RAB19: variants seen among roughly 807,000 people sequenced by gnomAD.
RAB19 encodes ras-related protein Rab-19.
A neutral mutation model predicts 17.3 loss-of-function variants in RAB19; 21 were observed. The observed-to-expected ratio is 1.21, with a 90% confidence interval of 0.86 to 1.74. The LOEUF is 1.74. RAB19 is among the 40% of genes most tolerant of loss of function. RAB19 has a pLI of 0.00. For missense variants in RAB19, 277 were observed against 286.8 expected (o/e 0.97, Z 0.25); for synonymous variants, 126 against 110.4 (o/e 1.14, Z -0.88).
intron 3 of RAB19, among the ~76,000 whole-genome samples, chr7:140,422,723 T>A (rs4507685): frequency 0.41 from 62,783 of 151,898 alleles, 13,359 homozygotes; most frequent in Admixed American, 0.55. Context: ...GGCTGACTGC[T>A]TGAGCCTAGA....
intron 2 of RAB19, 60 bp from the exon 3 acceptor site, chr7:140,411,814 A>C: frequency 6.2e-7 from 1 of 1,613,730 alleles, no homozygotes; most frequent in South Asian, 1.1e-5. Flanking sequence ...ATGTAGGTGA[A>C]GGAGTTCCCA....
At position 140,416,733 on chromosome 7, in the gene RAB19, G is replaced by A. The variant is rs530150843; in HGVS notation, c.385+4676G>A. Among the ~76,000 whole-genome samples, 4 of 152,250 alleles carry A rather than the reference G, an allele frequency of 2.6e-5. No homozygotes were observed. In the South Asian group the frequency reaches 6.2e-4, roughly 24 times the overall value. On this transcript the variant is annotated intron_variant, in intron 3 of 3. Transcript: ENST00000537763. ...GCCCTGGCTGTTGGCGGGTGGACCC[G>A]TGGACATCAGCACTGTTGATCTAGT...
chr7:140,422,078 A>G (rs1799571743), intron 3 of RAB19, among the ~76,000 whole-genome samples: 1 of 152,134 alleles, frequency 6.6e-6, no homozygotes, highest in Non-Finnish European at 1.5e-5. Context: ...TAATTGTCTC[A>G]GTACCATTTA....
chr7:140,412,850 G>T (rs1202060850), intron 3 of RAB19, among the ~76,000 whole-genome samples: 1 of 151,848 alleles, frequency 6.6e-6, no homozygotes, highest in Non-Finnish European at 1.5e-5. Context: ...CATAGATGGG[G>T]CGTGGTGGTT....
rs746816116 is a variant in RAB19, at chr7:140,426,249, A to G, written c.*99A>G. On this transcript the variant is annotated 3_prime_UTR_variant, in exon 4 of 4. Coordinates refer to ENST00000537763, the MANE Select transcript of RAB19 (RefSeq NM_001008749.3). ...TTGCCCCAGTGGCGCTTTAGACCCCAGCGTGGACTTGCCGCTCACCCCTAA... is the reference window on the plus strand; with the variant it reads ...TTGCCCCAGTGGCGCTTTAGACCCCGGCGTGGACTTGCCGCTCACCCCTAA... 2.3e-5 allele frequency: 32 copies of G among 1,409,758 alleles called. No individual in the cohort carries two copies. Among genetic ancestry groups the G allele is most frequent in the Non-Finnish European group, 3.0e-5 (32 of 1,049,798 alleles). The allele number at this position is 1,409,758 out of a possible 1,614,324, so 87.3% of individuals were successfully genotyped here.
intron 3 of RAB19, among the ~76,000 whole-genome samples, chr7:140,414,735 T>C (rs1799424756): frequency 6.6e-6 from 1 of 152,152 alleles, no homozygotes; most frequent in South Asian, 2.1e-4. Flanking sequence ...CCGGCACACA[T>C]TGCCTCATAC....
In RAB19 at chr7:140,419,111, C is replaced by T. The variant is rs577124407; in HGVS notation, c.386-6771C>T. Among the ~76,000 whole-genome samples, 322 of 148,916 alleles carry T rather than the reference C, an allele frequency of 2.2e-3. 1 individual carries two copies. The highest frequency in any genetic ancestry group is 0.01 in the Middle Eastern group (3 of 292). On this transcript the variant is annotated intron_variant, in intron 3 of 3. Coordinates refer to ENST00000537763, the MANE Select transcript of RAB19 (RefSeq NM_001008749.3). Reference sequence around the variant, plus strand: ...TTGAGATGGAGTCTCACTCTGTTGCCCAGGCTGGAGTGCAGTGGCGTGATC... The same window carrying T: ...TTGAGATGGAGTCTCACTCTGTTGCTCAGGCTGGAGTGCAGTGGCGTGATC...
chr7:140,426,808 T>C lies in RAB19; in HGVS notation c.*658T>C, dbSNP rs1198522930. On this transcript the variant is annotated 3_prime_UTR_variant, in exon 4 of 4. Transcript: ENST00000537763. ...GGCTGACTTGGCCACCCTCTTGGGA[T>C]AGGGGAAGACACCTGCAATTTTTTT... Among the ~76,000 whole-genome samples the C allele has an allele frequency of 6.6e-6, 1 of 151,530 alleles. No individual in the cohort carries two copies. The highest frequency in any genetic ancestry group is 1.5e-5 in the Non-Finnish European group (1 of 67,932).
rs398067341 is a variant in RAB19 at position 140,426,839 on chromosome 7, C to CTT, written c.*708_*709dup. Among the ~76,000 whole-genome samples, 294 of 123,982 alleles carry CTT rather than the reference C, an allele frequency of 2.4e-3. 3 individuals carry two copies. The highest frequency in any genetic ancestry group is 0.013 in the Middle Eastern group (3 of 238). The allele number at this position is 123,982 out of a possible 152,430, so 81.3% of individuals were successfully genotyped here. A position where few individuals can be genotyped will look rare whatever the true frequency, so the allele number is the denominator to read the frequency against. On this transcript the variant is annotated 3_prime_UTR_variant, in exon 4 of 4. Coordinates refer to ENST00000537763, the MANE Select transcript of RAB19 (RefSeq NM_001008749.3). ...AAGACACCTGCAATTTTTTTTCTTT[C>CTT]TTTTTTTTTTTTTTTTTTTTGAGAC...
intron 1 of RAB19, among the ~76,000 whole-genome samples, chr7:140,407,138 G>A (rs4726788): frequency 0.27 from 40,606 of 152,006 alleles, 5,681 homozygotes; most frequent in East Asian, 0.45. Flanking sequence ...ACCCACCTTG[G>A]CCTTCCGAAG....
At chr7:140,407,558 C>A in intron 1 of RAB19, 66 bp from the exon 2 acceptor site, 1 of 1,169,472 alleles carries the variant, frequency 8.6e-7, no homozygotes, top group Non-Finnish European at 1.3e-6. Context: ...AGGTAATGAC[C>A]TCCCTTCGTC....
Position 140,412,040 on chromosome 7 carries a change from T to C in RAB19, c.368T>C (p.Val123Ala). Residue 123 changes from valine to alanine, a missense_variant, in exon 3 of 4, where the codon GTG becomes GCG. Physicochemically the swap from Val to Ala is moderately conservative, Grantham distance 64 (BLOSUM62 0). Transcript: ENST00000537763. ...HEIEKYGAAN[V>A]VIMLIGNKCD... is the part of the protein sequence containing the mutation. ...ATAGAGAAATATGGAGCTGCAAATGTGGTCATTATGCTGATTGGTATGGCA... is the reference window on the plus strand; with the variant it reads ...ATAGAGAAATATGGAGCTGCAAATGCGGTCATTATGCTGATTGGTATGGCA... The C allele has an allele frequency of 6.2e-7, 1 of 1,612,364 alleles. No homozygotes were observed. Among genetic ancestry groups the C allele is most frequent in the African/African-American group, 1.3e-5 (1 of 75,062 alleles).
rs529487725 is a variant in RAB19 at position 140,426,087 on chromosome 7, C to A, written c.591C>A (p.Pro197=). The A allele has an allele frequency of 4.3e-6, 7 of 1,614,068 alleles. No individual in the cohort carries two copies. Among genetic ancestry groups the A allele is most frequent in the East Asian group, 4.5e-5 (2 of 44,892 alleles). Residue 197 remains proline, a synonymous_variant, in exon 4 of 4, where the codon CCC becomes CCA. Transcript: ENST00000537763. Reference sequence around the variant, plus strand: ...GGGAGAGTGCCCTGAACGGCCTCCCCCTGGACTCCAGCCCCGTTCTTATGG... The same window carrying A: ...GGGAGAGTGCCCTGAACGGCCTCCCACTGGACTCCAGCCCCGTTCTTATGG... The part of the protein sequence containing the change: ...LYGESALNGL[P]LDSSPVLMAQ...
chr7:140,423,999 G>A (rs375221373), intron 3 of RAB19, among the ~76,000 whole-genome samples: 12 of 149,746 alleles, frequency 8.0e-5, no homozygotes, highest in East Asian at 6.0e-4. Flanking sequence ...GATTACAGGC[G>A]CGTGCCACCA....
chr7:140,422,240 T>C (rs554867522), intron 3 of RAB19, among the ~76,000 whole-genome samples: 17 of 152,062 alleles, frequency 1.1e-4, no homozygotes, highest in Admixed American at 4.6e-4. Context: ...AATACAAAAA[T>C]TAGCTGGGCG....
At chr7:140,415,813 G>A (rs1799446424) in intron 3 of RAB19, among the ~76,000 whole-genome samples, 1 of 151,790 alleles carries the variant, frequency 6.6e-6, no homozygotes, top group Non-Finnish European at 1.5e-5. Context: ...GCTGAGGCAG[G>A]AGACTTGCTT....
chr7:140,419,223 CCA>C (rs1371942353), intron 3 of RAB19, among the ~76,000 whole-genome samples: 2 of 152,114 alleles, frequency 1.3e-5, no homozygotes, highest in South Asian at 2.1e-4. Flanking sequence ...GCATGTGCCA[CCA>C]CGCCCAGCTA....
At position 140,407,835 on chromosome 7, in the gene RAB19, CA is replaced by C. The variant is rs1251000849; in HGVS notation, c.195del (p.Val66Ter). Reference sequence around the variant, plus strand: ...CCGTGCGTTCCCTTGATATTGACGGCAAAAAAGTGAAGGTCAGAGGGCACCG... The same window carrying C: ...CCGTGCGTTCCCTTGATATTGACGGCAAAAAGTGAAGGTCAGAGGGCACCG... ...FTVRSLDIDG[K>X]KVKMQVWDTA... is the part of the protein sequence containing the mutation. On this transcript the variant is annotated frameshift_variant, in exon 2 of 4. Coordinates refer to ENST00000537763, the MANE Select transcript of RAB19 (RefSeq NM_001008749.3). LOFTEE classifies it high-confidence loss of function. 28 of 1,600,286 alleles carry C rather than the reference CA, an allele frequency of 1.7e-5. No individual in the cohort carries two copies. The Admixed American group carries it at 2.9e-4, about 16-fold the overall frequency.
intron 1 of RAB19, among the ~76,000 whole-genome samples, chr7:140,406,248 CA>C (rs56928355): frequency 0.32 from 25,406 of 80,538 alleles, 2,237 homozygotes; most frequent in East Asian, 0.52. Context: ...AACTCTGTCT[CA>C]AAAAAAAAAA....
Sources: gnomAD v4.1 joint callset for allele counts (sites outside exome capture counted in the v4.1 genomes callset) on GRCh38, gnomAD v4.1.1 for gene constraint, MANE v1.5 for transcripts, NCBI Gene and HGNC (gene_info 2026-07-23, HGNC 2026-07-21) for gene names.